The following CDH12 variants were observed in gnomAD, a reference collection of about 807,000 sequenced individuals.
The protein encoded by CDH12 is cadherin 12.
Under a neutral mutation model 74.1 loss-of-function variants are expected in CDH12, and 41 were observed. The ratio of observed to expected loss-of-function variants is 0.55; its 90% CI spans 0.43 to 0.72. CDH12 has a LOEUF of 0.72. Among genes scored for constraint, CDH12 ranks in the 30% least tolerant of loss-of-function variants. The pLI, the probability that CDH12 is intolerant of heterozygous loss-of-function variation, is 0.00. For synonymous variants in CDH12, 399 were observed against 355.0 expected (o/e 1.12, Z -1.39); for missense variants, 945 against 977.2 (o/e 0.97, Z 0.44).
At chr5:22,283,541 A>G (rs2150408700) in intron 3 of CDH12, among the ~76,000 whole-genome samples, 1 of 152,092 alleles carries the variant, frequency 6.6e-6, no homozygotes, top group African/African-American at 2.4e-5. Flanking sequence ...ATTTTCACTT[A>G]TATGTGGAAT....
chr5:22,653,947 A>G (rs1215598729), intron 1 of CDH12, among the ~76,000 whole-genome samples: 1 of 152,112 alleles, frequency 6.6e-6, no homozygotes, highest in Non-Finnish European at 1.5e-5. Context: ...TCTCCTGGGC[A>G]CTTTTATCTA....
intron 1 of CDH12, among the ~76,000 whole-genome samples, chr5:22,756,504 G>T (rs543777272): frequency 6.6e-6 from 1 of 151,998 alleles, no homozygotes; most frequent in African/African-American, 2.4e-5. Context: ...ATTAAAAAGA[G>T]AATATTTCAA....
chr5:22,052,326 A>G (rs1740430215), intron 5 of CDH12, among the ~76,000 whole-genome samples: 1 of 152,118 alleles, frequency 6.6e-6, no homozygotes, highest in Non-Finnish European at 1.5e-5. Flanking sequence ...TTTCACTTCA[A>G]TGAGCATAAC....
chr5:22,727,535 T>A (rs1744223159), intron 1 of CDH12, among the ~76,000 whole-genome samples: 1 of 151,738 alleles, frequency 6.6e-6, no homozygotes, highest in Non-Finnish European at 1.5e-5. Flanking sequence ...CATTACTCGT[T>A]TAGATTTGCA....
chr5:22,670,413 A>G (rs1740845011), intron 1 of CDH12, among the ~76,000 whole-genome samples: 1 of 152,194 alleles, frequency 6.6e-6, no homozygotes, highest in Non-Finnish European at 1.5e-5. Context: ...TAGAGATAAG[A>G]ATAAAACAGA....
At chr5:22,674,983 A>G (rs192124273) in intron 1 of CDH12, among the ~76,000 whole-genome samples, 1 of 152,298 alleles carries the variant, frequency 6.6e-6, no homozygotes, top group East Asian at 1.9e-4. Context: ...CAGCCTGACA[A>G]TGCTATAGAA....
chr5:22,809,400 G>A (rs938392137), intron 1 of CDH12, among the ~76,000 whole-genome samples: 1 of 150,884 alleles, frequency 6.6e-6, no homozygotes, highest in Non-Finnish European at 1.5e-5. Flanking sequence ...TAAAATATAG[G>A]GATCTTATAA....
At chr5:22,735,050 C>T (rs1477752942) in intron 1 of CDH12, among the ~76,000 whole-genome samples, 1 of 151,882 alleles carries the variant, frequency 6.6e-6, no homozygotes, top group Non-Finnish European at 1.5e-5. Context: ...AGGTCAGTTA[C>T]ATCAGTATCT....
At chr5:22,617,288 G>A (rs541498269) in intron 1 of CDH12, among the ~76,000 whole-genome samples, 246 of 152,114 alleles carry the variant, frequency 1.6e-3, no homozygotes, top group Middle Eastern at 6.8e-3. Flanking sequence ...CACCAGATAT[G>A]GAATTGGCCT....
At chr5:22,415,310 A>G (rs1470256246) in intron 2 of CDH12, among the ~76,000 whole-genome samples, 3 of 152,224 alleles carry the variant, frequency 2.0e-5, no homozygotes, top group African/African-American at 7.2e-5. Context: ...CAAGCTGTCC[A>G]CAGTATTAGA....
chr5:22,697,387 C>T (rs1432926794), intron 1 of CDH12, among the ~76,000 whole-genome samples: 2 of 151,812 alleles, frequency 1.3e-5, no homozygotes, highest in African/African-American at 2.4e-5. Context: ...CTGGCTAACA[C>T]GGTGGAACCC....
intron 6 of CDH12, among the ~76,000 whole-genome samples, chr5:21,915,355 T>G (rs1332156789): frequency 6.6e-6 from 1 of 151,970 alleles, no homozygotes; most frequent in Non-Finnish European, 1.5e-5. Context: ...ACAAAAAAAT[T>G]CAGGAAGCGA....
At chr5:22,060,241 TCTCACTC>T (rs1309167022) in intron 5 of CDH12, among the ~76,000 whole-genome samples, 2 of 151,226 alleles carry the variant, frequency 1.3e-5, no homozygotes, top group Admixed American at 1.3e-4. Flanking sequence ...TACCACATGT[TCTCACTC>T]ATAAGTGGGA....
At chr5:22,241,304 C>A (rs1046261259) in intron 3 of CDH12, among the ~76,000 whole-genome samples, 4 of 151,898 alleles carry the variant, frequency 2.6e-5, no homozygotes, top group Non-Finnish European at 5.9e-5. Context: ...AATAAAATAA[C>A]CTTACTATAC....
intron 4 of CDH12, among the ~76,000 whole-genome samples, chr5:22,191,595 C>T (rs1227467369): frequency 1.9e-5 from 2 of 106,394 alleles, no homozygotes; most frequent in African/African-American, 7.2e-5. Context: ...GACGGAGTCT[C>T]GCTCTGTCGC....
At chr5:22,015,913 G>C (rs967585438) in intron 5 of CDH12, among the ~76,000 whole-genome samples, 1 of 152,092 alleles carries the variant, frequency 6.6e-6, no homozygotes, top group African/African-American at 2.4e-5. Flanking sequence ...CCTATAATTA[G>C]TAATTATTTT....
chr5:22,151,991 G>A (rs887768024), intron 4 of CDH12: 1 of 152,004 alleles, frequency 6.6e-6, no homozygotes, highest in Admixed American at 6.6e-5. Context: ...CGTTCTCGGG[G>A]GAAAGGTAAG....
intron 1 of CDH12, among the ~76,000 whole-genome samples, chr5:22,566,796 A>G (rs1013185539): frequency 2.0e-5 from 3 of 152,142 alleles, no homozygotes; most frequent in African/African-American, 7.2e-5. Flanking sequence ...ACATTACTAA[A>G]CAGGATGATA....
At chr5:21,833,499 T>C (rs1211165468) in intron 8 of CDH12, among the ~76,000 whole-genome samples, 1 of 100,330 alleles carries the variant, frequency 1.0e-5, no homozygotes, top group African/African-American at 5.6e-5. Context: ...TCATATGTAA[T>C]ATATAATATA....
Sources: allele counts gnomAD v4.1 joint callset (sites outside exome capture counted in the v4.1 genomes callset), GRCh38; gene constraint gnomAD v4.1.1; transcripts MANE v1.5; gene names NCBI Gene and HGNC (gene_info 2026-07-23, HGNC 2026-07-21).